The following CNTLN variants were observed in gnomAD, a reference collection of about 807,000 sequenced individuals.
The protein encoded by CNTLN is centlein, centrosomal protein.
Under a neutral mutation model 180.0 loss-of-function variants are expected in CNTLN, and 212 were observed. That is an observed-to-expected ratio of 1.18 (90% confidence interval 1.05 to 1.32). The LOEUF (loss-of-function observed/expected upper bound fraction) is 1.32. Ranked by LOEUF, CNTLN falls within the 40% of genes most tolerant of loss-of-function variation. CNTLN has a pLI of 0.00. For missense variants in CNTLN, 2,095 were observed against 1,610.9 expected (o/e 1.30, Z -5.14); for synonymous variants, 722 against 563.1 (o/e 1.28, Z -3.99).
In CNTLN at chr9:17,298,649, T is replaced by C. The variant is rs553884124; in HGVS notation, c.1146+297T>C. 6.5e-5 allele frequency: 67 copies of C among 1,034,698 alleles called. 1 individual carries two copies. The African/African-American group carries it at 1.0e-3, about 16-fold the overall frequency. 64.1% of individuals were successfully genotyped at this position (1,034,698 alleles called of 1,614,324 possible). ...TGTGAAACATACTAGGAGTATAGTCTCAAAACTGGAATGGAATTCCTCGGC... is the reference window on the plus strand; with the variant it reads ...TGTGAAACATACTAGGAGTATAGTCCCAAAACTGGAATGGAATTCCTCGGC... On this transcript the variant is annotated intron_variant, in intron 7 of 25. Transcript: ENST00000380647.
At chr9:17,388,091 T>C (rs1825822764) in intron 13 of CNTLN, 71 bp from the exon 14 acceptor site, 1 of 976,142 alleles carries the variant, frequency 1.0e-6, no homozygotes, top group Middle Eastern at 2.4e-4. Context: ...TAGAACCCTT[T>C]TTCTTAAAAT....
intron 2 of CNTLN, among the ~76,000 whole-genome samples, chr9:17,153,281 A>T (rs754057123): frequency 6.6e-6 from 1 of 152,182 alleles, no homozygotes; most frequent in African/African-American, 2.4e-5. Context: ...ATGTTTTTGC[A>T]GTGGCCGATA....
chr9:17,235,290 A>C (rs1825069787), intron 3 of CNTLN, among the ~76,000 whole-genome samples: 1 of 152,202 alleles, frequency 6.6e-6, no homozygotes, highest in Admixed American at 6.5e-5. Flanking sequence ...AGTTCCTTCT[A>C]AATGACATTC....
rs181297053 is a variant in CNTLN, at chr9:17,426,378, G to A, written c.3114+10189G>A. On this transcript the variant is annotated intron_variant, in intron 18 of 25. Coordinates refer to ENST00000380647, the MANE Select transcript of CNTLN (RefSeq NM_017738.4). The stretch of plus-strand genomic sequence containing the variant: ...GTGTATAACTTCTAAATTGTAGTAA[G>A]AAATAGAATTTTTAAAAGTGTAAAA... 1.9e-4 allele frequency among the ~76,000 whole-genome samples: 29 copies of A among 152,170 alleles called. 1 individual carries two copies. In the East Asian group the frequency reaches 4.8e-3, roughly 25 times the overall value.
intron 18 of CNTLN, among the ~76,000 whole-genome samples, chr9:17,420,822 G>A (rs780803221): frequency 2.6e-5 from 4 of 152,004 alleles, no homozygotes; most frequent in African/African-American, 4.8e-5. Flanking sequence ...TTCTTCACTT[G>A]TCATTCAGGA....
At chr9:17,335,323 C>T (rs1820936135) in intron 10 of CNTLN, among the ~76,000 whole-genome samples, 1 of 152,102 alleles carries the variant, frequency 6.6e-6, no homozygotes. Flanking sequence ...TCGAGACCAT[C>T]ATGGTTAACA....
intron 25 of CNTLN, among the ~76,000 whole-genome samples, chr9:17,498,270 T>C (rs1433074827): frequency 6.6e-6 from 1 of 152,176 alleles, no homozygotes; most frequent in Admixed American, 6.6e-5. Flanking sequence ...TCATTTAAGC[T>C]CTGCTATTTT....
At chr9:17,193,207 C>T (rs376682827) in intron 2 of CNTLN, among the ~76,000 whole-genome samples, 4 of 152,206 alleles carry the variant, frequency 2.6e-5, no homozygotes, top group East Asian at 1.9e-4. Flanking sequence ...CACCCCGGCC[C>T]CTCCGCATGT....
intron 18 of CNTLN, among the ~76,000 whole-genome samples, chr9:17,425,758 A>T (rs1181423076): frequency 6.6e-6 from 1 of 152,144 alleles, no homozygotes; most frequent in Non-Finnish European, 1.5e-5. Flanking sequence ...AAAACCTTGG[A>T]TTGGCTGAAT....
the CNTLN span, among the ~76,000 whole-genome samples, chr9:17,512,641 ATAAT>A: frequency 6.6e-6 from 1 of 152,146 alleles, no homozygotes; most frequent in Admixed American, 6.5e-5. Context: ...CCCCAAATCT[ATAAT>A]TAAGAAAAGA....
intron 6 of CNTLN, 39 bp downstream of exon 6, chr9:17,273,905 G>A: frequency 7.1e-7 from 1 of 1,409,844 alleles, no homozygotes; most frequent in Non-Finnish European, 9.6e-7. Flanking sequence ...TCATAGAAAT[G>A]TCATTAGTTA....
At chr9:17,407,797 G>A (rs191573432) in intron 15 of CNTLN, among the ~76,000 whole-genome samples, 22 of 152,122 alleles carry the variant, frequency 1.4e-4, no homozygotes, top group African/African-American at 5.3e-4. Context: ...TTCTGGACAT[G>A]ATGCTCCATC....
chr9:17,409,170 C>G (rs1827644316), intron 15 of CNTLN, 123 bp from the exon 16 acceptor site: 1 of 772,422 alleles, frequency 1.3e-6, no homozygotes, highest in Admixed American at 2.9e-5. Flanking sequence ...CAGTAAATGC[C>G]CACGTTAAAC....
intron 10 of CNTLN, among the ~76,000 whole-genome samples, chr9:17,334,908 AT>A (rs199952892): frequency 7.6e-6 from 1 of 131,630 alleles, no homozygotes; most frequent in African/African-American, 2.8e-5. Flanking sequence ...TGAATCTAAA[AT>A]TAAAAAAAAA....
intron 2 of CNTLN, among the ~76,000 whole-genome samples, chr9:17,176,066 T>G (rs931197575): frequency 3.3e-5 from 5 of 152,166 alleles, no homozygotes; most frequent in African/African-American, 7.2e-5. Context: ...TTTTATTTCT[T>G]CCTTTCTGAT....
chr9:17,398,558 A>G (rs1343623996), intron 15 of CNTLN, among the ~76,000 whole-genome samples: 1 of 152,212 alleles, frequency 6.6e-6, no homozygotes, highest in Non-Finnish European at 1.5e-5. Context: ...CTGTGACATC[A>G]GCAAGCTCGT....
chr9:17,267,672 A>G (rs1563939536), intron 5 of CNTLN, among the ~76,000 whole-genome samples: 1 of 152,170 alleles, frequency 6.6e-6, no homozygotes, highest in Non-Finnish European at 1.5e-5. Context: ...ACTTTCAGGT[A>G]CACCAATCAG....
chr9:17,482,856 T>A (rs1258051335), intron 23 of CNTLN, among the ~76,000 whole-genome samples: 1 of 152,132 alleles, frequency 6.6e-6, no homozygotes, highest in African/African-American at 2.4e-5. Flanking sequence ...TGAGTATGAT[T>A]TTATTTAATA....
chr9:17,273,673 T>A (rs1437057237), intron 5 of CNTLN, 60 bp from the exon 6 acceptor site: 2 of 813,070 alleles, frequency 2.5e-6, no homozygotes, highest in Admixed American at 3.1e-5. Context: ...ATATAACAGA[T>A]GTTTTGTTAC....
Sources: gnomAD v4.1 joint callset for allele counts (sites outside exome capture counted in the v4.1 genomes callset) on GRCh38, gnomAD v4.1.1 for gene constraint, MANE v1.5 for transcripts, NCBI Gene and HGNC (gene_info 2026-07-23, HGNC 2026-07-21) for gene names.